Variants in IGSF5 observed in about 807,000 individuals in gnomAD.
The protein encoded by IGSF5 is immunoglobulin superfamily member 5.
In IGSF5, 41 loss-of-function variants were observed where a neutral mutation model predicts 39.4. The observed-to-expected ratio is 1.04, with a 90% confidence interval of 0.81 to 1.35. The LOEUF (loss-of-function observed/expected upper bound fraction) is 1.35, where lower values mean the gene tolerates loss of function less well. Among genes scored for constraint, IGSF5 ranks in the 40% most tolerant of loss-of-function variants. The pLI is 0.00. For missense variants in IGSF5, 487 were observed against 494.6 expected (o/e 0.98, Z 0.15); for synonymous variants, 183 against 175.3 (o/e 1.04, Z -0.34).
chr21:39,767,860 T>C (rs769928276), intron 3 of IGSF5, among the ~76,000 whole-genome samples: 64 of 152,112 alleles, frequency 4.2e-4, no homozygotes, highest in Admixed American at 1.2e-3. Flanking sequence ...GAAGGTGCCA[T>C]TGGAGATGTG....
intron 1 of IGSF5, among the ~76,000 whole-genome samples, chr21:39,745,791 C>T (rs950307962): frequency 6.6e-6 from 1 of 152,206 alleles, no homozygotes; most frequent in Non-Finnish European, 1.5e-5. Flanking sequence ...TCGTTTTTAA[C>T]TGGCCGACAG....
chr21:39,769,250 C>T (rs1239010833), intron 3 of IGSF5, among the ~76,000 whole-genome samples: 2 of 152,090 alleles, frequency 1.3e-5, no homozygotes, highest in African/African-American at 4.8e-5. Flanking sequence ...CCCAGGCGGG[C>T]AGCTCACTTG....
chr21:39,767,404 G>A lies in IGSF5; in HGVS notation c.418+1552G>A, dbSNP rs139317416. Among the ~76,000 whole-genome samples, 795 of 152,290 alleles carry A rather than the reference G, an allele frequency of 5.2e-3. 4 individuals are homozygous for A. The highest frequency in any genetic ancestry group is 0.018 in the African/African-American group (756 of 41,566). On this transcript the variant is annotated intron_variant, in intron 3 of 8. Coordinates refer to ENST00000380588, the MANE Select transcript of IGSF5 (RefSeq NM_001080444.2). ...GGGAGCCAGAGTGGTCTAGTGGTCA[G>A]GAGTGCAGACTTGGGGCTTGGCTGC...
chr21:39,779,750 C>T (rs1171308957), intron 5 of IGSF5, among the ~76,000 whole-genome samples: 5 of 152,166 alleles, frequency 3.3e-5, no homozygotes, highest in Non-Finnish European at 7.3e-5. Flanking sequence ...TCCTTTGCTA[C>T]ACCCTGGAGA....
At chr21:39,721,793 A>G in the IGSF5 span, among the ~76,000 whole-genome samples, 3 of 150,998 alleles carry the variant, frequency 2.0e-5, no homozygotes, top group African/African-American at 7.3e-5. Context: ...CATTCCACCC[A>G]TCCACCCATC....
chr21:39,798,421 G>C (rs547779943), intron 8 of IGSF5, among the ~76,000 whole-genome samples: 3 of 152,182 alleles, frequency 2.0e-5, no homozygotes, highest in African/African-American at 7.2e-5. Flanking sequence ...CCGGGAGTCA[G>C]CTGTATTTCC....
intron 1 of IGSF5, 55 bp downstream of exon 1, chr21:39,745,581 T>C: frequency 1.4e-6 from 1 of 714,602 alleles, no homozygotes; most frequent in Non-Finnish European, 2.6e-6. Flanking sequence ...TGAGCCATGA[T>C]CTCAATCAGC....
chr21:39,763,180 T>C (rs899807388), intron 2 of IGSF5, among the ~76,000 whole-genome samples: 3 of 152,204 alleles, frequency 2.0e-5, no homozygotes, highest in Non-Finnish European at 2.9e-5. Context: ...CGTGGTTTAC[T>C]TAGGGTTTGT....
chr21:39,749,298 C>A (rs371197226), intron 2 of IGSF5, among the ~76,000 whole-genome samples: 3 of 151,848 alleles, frequency 2.0e-5, no homozygotes, highest in African/African-American at 7.3e-5. Context: ...CTGCAACCTC[C>A]GCCTCCTGGG....
In IGSF5 at chr21:39,794,189, G is replaced by A. The variant is rs548358532; in HGVS notation, c.1128+576G>A. ...AGAGGAGGAGTCCTTGATGATTAAGGATTATGGCCAGAACGGCTAAGAGGC... is the reference window on the plus strand; with the variant it reads ...AGAGGAGGAGTCCTTGATGATTAAGAATTATGGCCAGAACGGCTAAGAGGC... On this transcript the variant is annotated intron_variant, in intron 8 of 8. Transcript: ENST00000380588. 1.1e-3 allele frequency among the ~76,000 whole-genome samples: 173 copies of A among 152,320 alleles called. 1 individual carries two copies. Among genetic ancestry groups the A allele is most frequent in the African/African-American group, 4.1e-3 (171 of 41,570 alleles).
chr21:39,797,591 A>T (rs887020549), intron 8 of IGSF5, among the ~76,000 whole-genome samples: 2 of 152,058 alleles, frequency 1.3e-5, no homozygotes, highest in Non-Finnish European at 2.9e-5. Flanking sequence ...ATCATAGCTC[A>T]CTGTAACCTC....
At chr21:39,765,358 C>G (rs1020052380) in intron 2 of IGSF5, among the ~76,000 whole-genome samples, 177 bp from the exon 3 acceptor site, 3 of 152,154 alleles carry the variant, frequency 2.0e-5, no homozygotes, top group African/African-American at 7.2e-5. Flanking sequence ...GCAGTGGCTT[C>G]CACCGGAAGC....
chr21:39,764,278 G>A (rs555232092), intron 2 of IGSF5, among the ~76,000 whole-genome samples: 1 of 152,304 alleles, frequency 6.6e-6, no homozygotes, highest in African/African-American at 2.4e-5. Flanking sequence ...ATGTGCTACT[G>A]TGTGTCCAAC....
intron 3 of IGSF5, among the ~76,000 whole-genome samples, chr21:39,769,467 C>CAAAAAAAAA (rs34427585): frequency 2.5e-5 from 2 of 79,844 alleles, no homozygotes; most frequent in Non-Finnish European, 2.4e-5. Context: ...AAGTCTGTCT[C>CAAAAAAAAA]AAAAAAAAAA....
intron 3 of IGSF5, among the ~76,000 whole-genome samples, chr21:39,769,467 C>CAAAAAAAAAAA (rs34427585): frequency 6.3e-5 from 5 of 79,836 alleles, no homozygotes; most frequent in Admixed American, 1.5e-4. Context: ...AAGTCTGTCT[C>CAAAAAAAAAAA]AAAAAAAAAA....
Position 39,765,844 on chromosome 21 carries a change from C to T in IGSF5, c.410C>T (p.Thr137Ile). The change falls in exon 3 of 9, where the codon ACC becomes ATC. Residue 137 changes from threonine to isoleucine, a missense_variant. Physicochemically the swap from Thr to Ile is moderately conservative, Grantham distance 89 (BLOSUM62 -1). Transcript: ENST00000380588. ...CGCCTGCATGGATCTGCTTACCTTA[C>T]CGTCCAAGGTGTGTATGCAGGTGGC... ...NSRLHGSAYL[T>I]VQVMGELFIP... 6.2e-7 allele frequency: 1 copy of T among 1,611,936 alleles called. No individual in the cohort carries two copies. Among genetic ancestry groups the T allele is most frequent in the Non-Finnish European group, 8.5e-7 (1 of 1,178,354 alleles).
chr21:39,790,984 C>A (rs1316149012), intron 6 of IGSF5, among the ~76,000 whole-genome samples: 1 of 152,140 alleles, frequency 6.6e-6, no homozygotes, highest in South Asian at 2.1e-4. Flanking sequence ...TATGCATATG[C>A]AAATCCTACA....
chr21:39,752,161 C>G (rs749574983), intron 2 of IGSF5, among the ~76,000 whole-genome samples: 60 of 152,066 alleles, frequency 3.9e-4, no homozygotes, highest in Non-Finnish European at 7.6e-4. Context: ...TCTTTTATCC[C>G]TCACCCCGTT....
At chr21:39,759,702 T>G (rs1298463000) in intron 2 of IGSF5, among the ~76,000 whole-genome samples, 1 of 151,516 alleles carries the variant, frequency 6.6e-6, no homozygotes, top group Non-Finnish European at 1.5e-5. Flanking sequence ...CTATCTCTAC[T>G]AAAAAATACA....
Sources: gnomAD v4.1 joint callset for allele counts (sites outside exome capture counted in the v4.1 genomes callset) on GRCh38, gnomAD v4.1.1 for gene constraint, MANE v1.5 for transcripts, NCBI Gene and HGNC (gene_info 2026-07-23, HGNC 2026-07-21) for gene names.